The following GALNTL6 variants were observed in gnomAD, a reference collection of about 807,000 sequenced individuals.
GALNTL6 encodes the protein polypeptide N-acetylgalactosaminyltransferase like 6, also known as polypeptide N-acetylgalactosaminyltransferase-like 6.
Under a neutral mutation model 73.7 loss-of-function variants are expected in GALNTL6, and 46 were observed. The ratio of observed to expected loss-of-function variants is 0.62; its 90% CI spans 0.49 to 0.80. The LOEUF is 0.80. Among genes scored for constraint, GALNTL6 ranks in the 30% least tolerant of loss-of-function variants. The probability of loss-of-function intolerance (pLI) is 0.00; values close to 1 mark genes in which losing one functional copy is unlikely to be tolerated. For synonymous variants in GALNTL6, 259 were observed against 263.7 expected (o/e 0.98, Z 0.17); for missense variants, 604 against 755.0 (o/e 0.80, Z 2.34).
At chr4:172,834,555 G>A (rs1443118427) in intron 7 of GALNTL6, among the ~76,000 whole-genome samples, 1 of 152,258 alleles carries the variant, frequency 6.6e-6, no homozygotes, top group Admixed American at 6.5e-5. Context: ...GAAAGAAGAG[G>A]ATGGGCTGCC....
intron 5 of GALNTL6, among the ~76,000 whole-genome samples, chr4:172,463,311 C>A: frequency 2.1e-5 from 3 of 146,216 alleles, no homozygotes; most frequent in African/African-American, 5.0e-5. Context: ...CTAAAAAAAT[C>A]AACATTCTCA....
intron 5 of GALNTL6, among the ~76,000 whole-genome samples, chr4:172,772,624 C>T (rs1440318723): frequency 6.6e-6 from 1 of 152,080 alleles, no homozygotes; most frequent in Non-Finnish European, 1.5e-5. Flanking sequence ...AATGCTCCAA[C>T]TTGGTTCTTC....
At chr4:172,117,837 T>A (rs1250262800) in intron 2 of GALNTL6, among the ~76,000 whole-genome samples, 1 of 152,096 alleles carries the variant, frequency 6.6e-6, no homozygotes, top group Non-Finnish European at 1.5e-5. Context: ...TTAAAAAAGT[T>A]TCCAAATAGG....
At chr4:172,837,864 A>T (rs1426404004) in intron 7 of GALNTL6, among the ~76,000 whole-genome samples, 1 of 152,234 alleles carries the variant, frequency 6.6e-6, no homozygotes, top group Admixed American at 6.5e-5. Context: ...TCATAATAAT[A>T]AAAAGCAATG....
At chr4:172,911,094 A>G (rs554790198) in intron 8 of GALNTL6, among the ~76,000 whole-genome samples, 1 of 152,138 alleles carries the variant, frequency 6.6e-6, no homozygotes, top group African/African-American at 2.4e-5. Flanking sequence ...ATTCATAAGC[A>G]TTTTCACTTT....
intron 2 of GALNTL6, among the ~76,000 whole-genome samples, chr4:172,001,066 G>C (rs759252608): frequency 9.9e-5 from 15 of 152,262 alleles, no homozygotes; most frequent in Admixed American, 3.3e-4. Context: ...AATAGTTGTT[G>C]TAATAGTAGT....
At chr4:172,849,970 C>A (rs1743727156) in intron 7 of GALNTL6, among the ~76,000 whole-genome samples, 1 of 152,186 alleles carries the variant, frequency 6.6e-6, no homozygotes, top group Non-Finnish European at 1.5e-5. Flanking sequence ...AAAGGTGCGA[C>A]CTCCTAAAGT....
At chr4:172,992,891 T>C (rs960026504) in intron 10 of GALNTL6, among the ~76,000 whole-genome samples, 1 of 152,186 alleles carries the variant, frequency 6.6e-6, no homozygotes, top group African/African-American at 2.4e-5. Flanking sequence ...AGATGTATTG[T>C]CTTTTTTTCA....
At chr4:172,234,517 T>G (rs1250252062) in intron 3 of GALNTL6, among the ~76,000 whole-genome samples, 1 of 152,164 alleles carries the variant, frequency 6.6e-6, no homozygotes, top group Non-Finnish European at 1.5e-5. Context: ...TGACTTTCTT[T>G]TAACCTGAAG....
intron 5 of GALNTL6, among the ~76,000 whole-genome samples, chr4:172,492,338 A>G (rs960351819): frequency 6.6e-6 from 1 of 152,184 alleles, no homozygotes; most frequent in African/African-American, 2.4e-5. Context: ...GAGATCATAA[A>G]TGATAACTCA....
At chr4:172,172,893 G>C (rs1734877818) in intron 2 of GALNTL6, among the ~76,000 whole-genome samples, 1 of 152,184 alleles carries the variant, frequency 6.6e-6, no homozygotes, top group Admixed American at 6.5e-5. Context: ...AATAAGCAAT[G>C]TTGAACACTG....
At chr4:171,865,722 C>T (rs921342639) in intron 2 of GALNTL6, among the ~76,000 whole-genome samples, 2 of 152,150 alleles carry the variant, frequency 1.3e-5, no homozygotes, top group African/African-American at 4.8e-5. Context: ...GAGCAATATT[C>T]TCAGGCTTTT....
Position 172,021,917 on chromosome 4 carries a change from C to T in GALNTL6, c.138+207199C>T, listed in dbSNP as rs375699155. ...GAATGAAACTAGATTCCTATGCTTT[C>T]CATAGGCAAAACTCAAATCCAAATG... On this transcript the variant is annotated intron_variant, in intron 2 of 12. Coordinates refer to ENST00000506823, the MANE Select transcript of GALNTL6 (RefSeq NM_001034845.3). Among the ~76,000 whole-genome samples the T allele has an allele frequency of 4.6e-5, 7 of 152,090 alleles. No homozygotes were observed. The East Asian group carries it at 5.8e-4, about 13-fold the overall frequency.
At chr4:172,728,961 T>C (rs1432401349) in intron 5 of GALNTL6, among the ~76,000 whole-genome samples, 7 of 152,240 alleles carry the variant, frequency 4.6e-5, no homozygotes, top group Admixed American at 4.6e-4. Context: ...TGCATATCTC[T>C]GATGATTGAA....
Position 172,474,756 on chromosome 4 carries a change from A to C in GALNTL6, c.553+126067A>C, listed in dbSNP as rs149479847. Among the ~76,000 whole-genome samples, 1,271 of 152,208 alleles carry C rather than the reference A, an allele frequency of 8.4e-3. 10 individuals are homozygous for C. Among genetic ancestry groups the C allele is most frequent in the African/African-American group, 0.029 (1,204 of 41,532 alleles). ...GTTCTTGTTTTATATTATTCTCTTG[A>C]TTCTCTTGGAATGAATGAAAGTTTT... On this transcript the variant is annotated intron_variant, in intron 5 of 12. Transcript: ENST00000506823.
intron 3 of GALNTL6, among the ~76,000 whole-genome samples, chr4:172,271,054 G>A (rs983649087): frequency 2.6e-4 from 39 of 152,088 alleles, no homozygotes; most frequent in African/African-American, 9.4e-4. Flanking sequence ...GATTTCTCAT[G>A]TTTCAGGGAA....
chr4:171,967,358 A>AT (rs915629988), intron 2 of GALNTL6, among the ~76,000 whole-genome samples: 13 of 150,614 alleles, frequency 8.6e-5, no homozygotes, highest in Non-Finnish European at 1.8e-4. Context: ...TATATCATCT[A>AT]TTTTCCCAGT....
At chr4:172,858,473 A>G (rs1287304573) in intron 7 of GALNTL6, among the ~76,000 whole-genome samples, 1 of 152,200 alleles carries the variant, frequency 6.6e-6, no homozygotes, top group Non-Finnish European at 1.5e-5. Flanking sequence ...TCATTTGAGC[A>G]GAAACCTGAG....
At chr4:171,960,419 A>G (rs1739186509) in intron 2 of GALNTL6, among the ~76,000 whole-genome samples, 1 of 151,868 alleles carries the variant, frequency 6.6e-6, no homozygotes, top group Non-Finnish European at 1.5e-5. Context: ...AGGGTTTTAC[A>G]GGCACATGCC....
Sources: gnomAD v4.1 joint callset for allele counts (sites outside exome capture counted in the v4.1 genomes callset) on GRCh38, gnomAD v4.1.1 for gene constraint, MANE v1.5 for transcripts, NCBI Gene and HGNC (gene_info 2026-07-23, HGNC 2026-07-21) for gene names.